CDH4: variants seen among roughly 807,000 people sequenced by gnomAD.
The protein encoded by CDH4 is cadherin 4.
Under a neutral mutation model 86.0 loss-of-function variants are expected in CDH4, and 33 were observed. The ratio of observed to expected loss-of-function variants is 0.38; its 90% CI spans 0.29 to 0.51. The LOEUF is 0.51. Ranked by LOEUF, CDH4 falls within the 20% of genes least tolerant of loss-of-function variation. The pLI, the probability that CDH4 is intolerant of heterozygous loss-of-function variation, is 0.86. For missense variants in CDH4, 1,114 were observed against 1,307.4 expected (o/e 0.85, Z 2.28); for synonymous variants, 555 against 549.4 (o/e 1.01, Z -0.14).
At chr20:61,468,115 T>G (rs757944181) in intron 2 of CDH4, among the ~76,000 whole-genome samples, 1 of 152,206 alleles carries the variant, frequency 6.6e-6, no homozygotes, top group African/African-American at 2.4e-5. Context: ...TATTTGGGAC[T>G]CCATCACCTA....
intron 2 of CDH4, among the ~76,000 whole-genome samples, chr20:61,305,085 T>C (rs966884555): frequency 2.0e-5 from 3 of 151,936 alleles, no homozygotes; most frequent in African/African-American, 2.4e-5. Context: ...GTGTGTGTTG[T>C]GTATGCACTG....
intron 2 of CDH4, among the ~76,000 whole-genome samples, chr20:61,635,456 C>T (rs897183363): frequency 6.6e-6 from 1 of 152,214 alleles, no homozygotes; most frequent in Non-Finnish European, 1.5e-5. Context: ...CCAAGAGGGG[C>T]TGGCAGAGGG....
At chr20:61,548,319 G>T (rs991691669) in intron 2 of CDH4, among the ~76,000 whole-genome samples, 5 of 152,144 alleles carry the variant, frequency 3.3e-5, no homozygotes, top group African/African-American at 1.2e-4. Context: ...TGAGGCTCGG[G>T]CAGGCAGGTG....
In CDH4 at chr20:61,728,250, A is replaced by G. The variant is rs147380739; in HGVS notation, c.170-15313A>G. On this transcript the variant is annotated intron_variant, in intron 2 of 15. Coordinates refer to ENST00000614565, the MANE Select transcript of CDH4 (RefSeq NM_001794.5). ...AACATCTAAGCATAACCACCTGTTTATGAGTAGACATCTGTGTGTGTCTTG... is the reference window on the plus strand; with the variant it reads ...AACATCTAAGCATAACCACCTGTTTGTGAGTAGACATCTGTGTGTGTCTTG... Among the ~76,000 whole-genome samples the G allele has an allele frequency of 1.5e-3, 223 of 152,300 alleles. 4 individuals carry two copies. The Middle Eastern group carries it at 0.031, about 21-fold the overall frequency.
At position 61,684,302 on chromosome 20, in the gene CDH4, C is replaced by T. The variant is rs945531074; in HGVS notation, c.170-59261C>T. 3.9e-5 allele frequency among the ~76,000 whole-genome samples: 6 copies of T among 152,132 alleles called. No individual in the cohort carries two copies. Among genetic ancestry groups the T allele is most frequent in the Admixed American group, 1.3e-4 (2 of 15,278 alleles). On this transcript the variant is annotated intron_variant, in intron 2 of 15. Transcript: ENST00000614565. This position sits in a 1 kb window ranked among gnomAD's most constrained non-coding sequence, Gnocchi z 4.5. ...AGAGGGTGGCAAAGGGGCGACCATGCGACTGAGCCCTGTGGGAAGAGCAGG... is the reference window on the plus strand; with the variant it reads ...AGAGGGTGGCAAAGGGGCGACCATGTGACTGAGCCCTGTGGGAAGAGCAGG...
chr20:61,583,311 TGG>T (rs531773443), intron 2 of CDH4, among the ~76,000 whole-genome samples: 34 of 43,960 alleles, frequency 7.7e-4, no homozygotes, highest in African/African-American at 3.0e-3. Context: ...GAGGGCTCTG[TGG>T]GGGGACAGAG....
intron 2 of CDH4, among the ~76,000 whole-genome samples, chr20:61,331,723 G>GCCCCAGATCTACCTCCTGCCCCGGCC (rs1432369246): frequency 1.7e-4 from 8 of 45,836 alleles, no homozygotes; most frequent in South Asian, 1.8e-3. Flanking sequence ...CCGACCACCT[G>GCCCCAGATCTACCTCCTGCCCCGGCC]ACAGAAATGA....
chr20:61,319,225 A>G (rs528578237), intron 2 of CDH4, among the ~76,000 whole-genome samples: 1 of 152,138 alleles, frequency 6.6e-6, no homozygotes, highest in African/African-American at 2.4e-5. Flanking sequence ...TACAATAAGC[A>G]GGTGCATTAT....
intron 2 of CDH4, among the ~76,000 whole-genome samples, chr20:61,443,041 G>A (rs1003932093): frequency 6.6e-6 from 1 of 152,208 alleles, no homozygotes; most frequent in Non-Finnish European, 1.5e-5. Context: ...GTGTCTTGGA[G>A]ACCAAAGCAA....
chr20:61,925,640 C>T (rs1004744794), intron 11 of CDH4, among the ~76,000 whole-genome samples: 2 of 152,180 alleles, frequency 1.3e-5, no homozygotes, highest in Admixed American at 6.5e-5. Flanking sequence ...CCGAGTGTGT[C>T]GGCTGGAACC....
intron 3 of CDH4, among the ~76,000 whole-genome samples, chr20:61,760,415 G>A (rs1443670263): frequency 6.6e-6 from 1 of 152,242 alleles, no homozygotes; most frequent in African/African-American, 2.4e-5. Flanking sequence ...CGTGCTGGGT[G>A]ATCCTCCATG....
intron 2 of CDH4, among the ~76,000 whole-genome samples, chr20:61,313,022 C>G (rs1832935): frequency 0.17 from 26,542 of 152,178 alleles, 2,405 homozygotes; most frequent in African/African-American, 0.2. Context: ...GAGCCCTTCC[C>G]TATCCCTGCC....
At chr20:61,440,690 G>A (rs773461387) in intron 2 of CDH4, among the ~76,000 whole-genome samples, 5 of 152,166 alleles carry the variant, frequency 3.3e-5, no homozygotes, top group Admixed American at 6.5e-5. Context: ...ATGTGAATCC[G>A]GGGAACCAGG....
At chr20:61,775,915 A>G (rs2088836349) in intron 4 of CDH4, among the ~76,000 whole-genome samples, 1 of 152,184 alleles carries the variant, frequency 6.6e-6, no homozygotes, top group African/African-American at 2.4e-5. Context: ...AGGGAACATG[A>G]AAGAGCGAGG....
intron 3 of CDH4, among the ~76,000 whole-genome samples, chr20:61,756,110 T>C (rs540251357): frequency 6.6e-6 from 1 of 152,190 alleles, no homozygotes; most frequent in South Asian, 2.1e-4. Flanking sequence ...TTCTGATGAA[T>C]CACAGACAGC....
At chr20:61,721,352 C>T (rs2088039319) in intron 2 of CDH4, among the ~76,000 whole-genome samples, 1 of 152,186 alleles carries the variant, frequency 6.6e-6, no homozygotes, top group Admixed American at 6.5e-5. Context: ...GGCTGCTGGA[C>T]AGTCCTCTCC....
rs995649509 is a variant in CDH4, at chr20:61,569,679, C to A, written c.170-173884C>A. ...ATATTCCAGTTTTGCCAACTGCCCCCCAAATTTTTTTTTGAGGCGGCGACC... is the reference window on the plus strand; with the variant it reads ...ATATTCCAGTTTTGCCAACTGCCCCACAAATTTTTTTTTGAGGCGGCGACC... On this transcript the variant is annotated intron_variant, in intron 2 of 15. Transcript: ENST00000614565. Among the ~76,000 whole-genome samples the A allele has an allele frequency of 2.0e-5, 3 of 152,184 alleles. No homozygotes were observed. In the South Asian group the frequency reaches 6.2e-4, roughly 31 times the overall value.
intron 3 of CDH4, among the ~76,000 whole-genome samples, chr20:61,762,869 C>T (rs1183610651): frequency 6.6e-6 from 1 of 152,238 alleles, no homozygotes; most frequent in Non-Finnish European, 1.5e-5. Flanking sequence ...GGGACAGGTG[C>T]ACCCCAACAA....
chr20:61,883,756 A>G (rs1984404311), intron 7 of CDH4, among the ~76,000 whole-genome samples: 1 of 152,056 alleles, frequency 6.6e-6, no homozygotes, highest in African/African-American at 2.4e-5. Flanking sequence ...CGCCTGCTGG[A>G]CTGACGGGAC....
Sources: gnomAD v4.1 joint callset for allele counts (sites outside exome capture counted in the v4.1 genomes callset) on GRCh38, gnomAD v4.1.1 for gene constraint, Gnocchi (gnomAD v3.1) non-coding constraint, MANE v1.5 for transcripts, NCBI Gene and HGNC (gene_info 2026-07-23, HGNC 2026-07-21) for gene names.